The following ZC3H6 variants were observed in gnomAD, a reference collection of about 807,000 sequenced individuals.
ZC3H6 encodes zinc finger CCCH domain-containing protein 6.
Under a neutral mutation model 107.7 loss-of-function variants are expected in ZC3H6, and 40 were observed. That is an observed-to-expected ratio of 0.37 (90% CI 0.29 to 0.48). ZC3H6 has a LOEUF of 0.48. ZC3H6 is among the 20% of genes least tolerant of loss of function. The probability of loss-of-function intolerance (pLI) is 0.98; values close to 1 mark genes in which losing one functional copy is unlikely to be tolerated. For missense variants in ZC3H6, 1,267 were observed against 1,410.4 expected (o/e 0.90, Z 1.63); for synonymous variants, 493 against 487.9 (o/e 1.01, Z -0.14).
chr2:112,327,690 G>A (rs1343260080), intron 11 of ZC3H6, among the ~76,000 whole-genome samples: 1 of 152,116 alleles, frequency 6.6e-6, no homozygotes, highest in African/African-American at 2.4e-5. Context: ...TTTTGTGTAT[G>A]GTGAGAGATA....
At position 112,324,611 on chromosome 2, in the gene ZC3H6, T is replaced by C; in HGVS notation, c.1800T>C (p.Asn600=). The C allele has an allele frequency of 6.2e-7, 1 of 1,611,304 alleles. No individual in the cohort carries two copies. Among genetic ancestry groups the C allele is most frequent in the Non-Finnish European group, 8.5e-7 (1 of 1,178,474 alleles). The change falls in exon 10 of 12, where the codon AAT becomes AAC. Residue 600 remains asparagine, a synonymous_variant. Coordinates refer to ENST00000409871, the MANE Select transcript of ZC3H6 (RefSeq NM_198581.3). ...SLQNPAEFYD[N]YYAQHSIHNF... Reference sequence around the variant, plus strand: ...AAAACCCAGCTGAGTTTTACGATAATTACTATGCACAGCATTCTATACATA... The same window carrying C: ...AAAACCCAGCTGAGTTTTACGATAACTACTATGCACAGCATTCTATACATA...
chr2:112,293,223 C>G (rs1676155499), intron 1 of ZC3H6, among the ~76,000 whole-genome samples: 1 of 152,132 alleles, frequency 6.6e-6, no homozygotes, highest in African/African-American at 2.4e-5. Context: ...TATAATATTG[C>G]CCATATATTT....
At position 112,331,942 on chromosome 2, in the gene ZC3H6, C is replaced by G. The variant is rs1677042055; in HGVS notation, c.3024C>G (p.Pro1008=). 6.2e-7 allele frequency: 1 copy of G among 1,614,010 alleles called. No individual in the cohort carries two copies. Among genetic ancestry groups the G allele is most frequent in the Non-Finnish European group, 8.5e-7 (1 of 1,179,892 alleles). The change falls in exon 12 of 12, where the codon CCC becomes CCG. Residue 1008 remains proline (P), a synonymous_variant. Transcript: ENST00000409871. ...LPRSNPGSSQ[P]SGAGTSNSGS... Reference sequence around the variant, plus strand: ...GATCAAACCCTGGTTCATCACAGCCCTCAGGGGCAGGAACTAGCAATTCTG... The same window carrying G: ...GATCAAACCCTGGTTCATCACAGCCGTCAGGGGCAGGAACTAGCAATTCTG...
intron 4 of ZC3H6, 70 bp from the exon 5 acceptor site, chr2:112,311,734 C>G (rs1353256583): frequency 7.2e-7 from 1 of 1,388,672 alleles, no homozygotes; most frequent in African/African-American, 1.5e-5. Flanking sequence ...ATGTGCTGTT[C>G]CTTATAAACT....
intron 2 of ZC3H6, among the ~76,000 whole-genome samples, chr2:112,300,770 G>GA (rs1283446192): frequency 6.6e-6 from 1 of 152,108 alleles, no homozygotes; most frequent in Non-Finnish European, 1.5e-5. Flanking sequence ...GGAAAGCTAT[G>GA]AAAAAAACAA....
intron 4 of ZC3H6, 95 bp downstream of exon 4, chr2:112,310,256 AT>A: frequency 8.1e-7 from 1 of 1,236,330 alleles, no homozygotes; most frequent in Non-Finnish European, 1.1e-6. Context: ...CCTGTTCAAG[AT>A]TAGCTTATTC....
intron 3 of ZC3H6, among the ~76,000 whole-genome samples, chr2:112,304,207 G>T (rs1676434658): frequency 6.6e-6 from 1 of 152,040 alleles, no homozygotes; most frequent in Non-Finnish European, 1.5e-5. Flanking sequence ...CCTTTTAAGA[G>T]AAAAATTAAA....
intron 7 of ZC3H6, among the ~76,000 whole-genome samples, chr2:112,317,892 G>T (rs965971411): frequency 6.6e-6 from 1 of 151,984 alleles, no homozygotes; most frequent in African/African-American, 2.4e-5. Flanking sequence ...TATCTGTCAG[G>T]TTGCTCACTA....
Position 112,331,071 on chromosome 2 carries a change from A to G in ZC3H6, c.2153A>G (p.Lys718Arg). 6.3e-7 allele frequency: 1 copy of G among 1,595,416 alleles called. No individual in the cohort carries two copies. Among genetic ancestry groups the G allele is most frequent in the Non-Finnish European group, 8.5e-7 (1 of 1,170,694 alleles). Residue 718 changes from lysine to arginine, a missense_variant, in exon 12 of 12, where the codon AAA becomes AGA. Coordinates refer to ENST00000409871, the MANE Select transcript of ZC3H6 (RefSeq NM_198581.3). ...EEGSSVKSILKTLQKQTETLR... is the reference protein window; with the variant it reads ...EEGSSVKSILRTLQKQTETLR... ...GGAAGCAGTGTCAAATCAATACTGA[A>G]AACATTACAGAAACAAACAGAAACT...
chr2:112,294,472 CT>C (rs1676189387), intron 1 of ZC3H6, among the ~76,000 whole-genome samples: 1 of 152,110 alleles, frequency 6.6e-6, no homozygotes, highest in Non-Finnish European at 1.5e-5. Flanking sequence ...TGAAGATTGT[CT>C]TTTTTTGTGG....
chr2:112,327,949 G>A (rs547636600), intron 11 of ZC3H6, among the ~76,000 whole-genome samples: 16 of 152,180 alleles, frequency 1.1e-4, no homozygotes, highest in African/African-American at 3.6e-4. Context: ...TTGTACAGTG[G>A]TGCGATCTCG....
chr2:112,317,262 A>G lies in ZC3H6; in HGVS notation c.906A>G (p.Lys302=). The change falls in exon 7 of 12, where the codon AAA becomes AAG. Residue 302 remains lysine (K), a synonymous_variant. Transcript: ENST00000409871. ...TTGATCATGATGCAGAGTTGGAGAA[A>G]AGAAAAGAGATCTGCAAATTTTATT... ...CKFDHDAELE[K]RKEICKFYLQ... The G allele has an allele frequency of 1.3e-6, 2 of 1,585,052 alleles. No homozygotes were observed. The highest frequency in any genetic ancestry group is 1.7e-6 in the Non-Finnish European group (2 of 1,168,106).
At chr2:112,279,784 A>G (rs1163915609) in intron 1 of ZC3H6, among the ~76,000 whole-genome samples, 2 of 152,224 alleles carry the variant, frequency 1.3e-5, no homozygotes, top group Admixed American at 6.5e-5. Flanking sequence ...TTAAGGTAGC[A>G]TTACAAGGTT....
At position 112,295,459 on chromosome 2, in the gene ZC3H6, G is replaced by A. The variant is rs556938097; in HGVS notation, c.33-4390G>A. Among the ~76,000 whole-genome samples, 9 of 152,188 alleles carry A rather than the reference G, an allele frequency of 5.9e-5. No homozygotes were observed. In the South Asian group the frequency reaches 1.7e-3, roughly 28 times the overall value. On this transcript the variant is annotated intron_variant, in intron 1 of 11. Coordinates refer to ENST00000409871, the MANE Select transcript of ZC3H6 (RefSeq NM_198581.3). Reference sequence around the variant, plus strand: ...TCTAGGTATTTCCCAAGATCACTAGGTTAGTATCTGATACATTACTAGGTG... The same window carrying A: ...TCTAGGTATTTCCCAAGATCACTAGATTAGTATCTGATACATTACTAGGTG...
chr2:112,292,855 A>G (rs1234354428), intron 1 of ZC3H6, among the ~76,000 whole-genome samples: 4 of 152,218 alleles, frequency 2.6e-5, no homozygotes, highest in African/African-American at 4.8e-5. Context: ...CAGGGAGATC[A>G]GTGTCCTCTC....
chr2:112,300,481 AG>A (rs1676351404), intron 2 of ZC3H6, among the ~76,000 whole-genome samples: 1 of 152,250 alleles, frequency 6.6e-6, no homozygotes, highest in African/African-American at 2.4e-5. Context: ...CTAGGTTTAC[AG>A]GTGTGAGCCA....
chr2:112,299,990 GA>G lies in ZC3H6; in HGVS notation c.176del (p.Lys59ArgfsTer63). On this transcript the variant is annotated frameshift_variant, in exon 2 of 12. Coordinates refer to ENST00000409871, the MANE Select transcript of ZC3H6 (RefSeq NM_198581.3). LOFTEE classifies it high-confidence loss of function. ...SRKKHKKERE[K>X]KKSKRRKREK... ...GAAAAAAACATAAGAAAGAGAGAGA[GA>G]AGAAAAAATCCAAAAGGAGAAAACG... The G allele has an allele frequency of 6.8e-7, 1 of 1,480,722 alleles. No homozygotes were observed. Among genetic ancestry groups the G allele is most frequent in the South Asian group, 1.4e-5 (1 of 70,662 alleles). The allele number at this position is 1,480,722 out of a possible 1,614,324, so 91.7% of individuals were successfully genotyped here. A position where few individuals can be genotyped will look rare whatever the true frequency, so the allele number is the denominator to read the frequency against.
At chr2:112,293,344 T>C (rs1420244236) in intron 1 of ZC3H6, among the ~76,000 whole-genome samples, 1 of 152,068 alleles carries the variant, frequency 6.6e-6, no homozygotes, top group East Asian at 1.9e-4. Context: ...TGGCTGTAAA[T>C]AGTCAAAAAG....
At chr2:112,317,425 C>A in intron 7 of ZC3H6, 93 bp downstream of exon 7, 1 of 670,370 alleles carries the variant, frequency 1.5e-6, no homozygotes, top group Non-Finnish European at 2.4e-6. Flanking sequence ...CCTATAAAGC[C>A]TAGTTTGGTT....
Sources: allele counts gnomAD v4.1 joint callset (sites outside exome capture counted in the v4.1 genomes callset), GRCh38; gene constraint gnomAD v4.1.1; transcripts MANE v1.5; gene names NCBI Gene and HGNC (gene_info 2026-07-23, HGNC 2026-07-21).